The following MNDA variants were observed in gnomAD, a reference collection of about 807,000 sequenced individuals.
MNDA encodes the protein epididymis secretory sperm binding protein.
A neutral mutation model predicts 37.8 loss-of-function variants in MNDA; 43 were observed. The ratio of observed to expected loss-of-function variants is 1.14; its 90% CI spans 0.89 to 1.47. The LOEUF is 1.47. MNDA is among the 40% of genes most tolerant of loss of function. MNDA has a pLI of 0.00. For synonymous variants in MNDA, 181 were observed against 169.0 expected (o/e 1.07, Z -0.55); for missense variants, 536 against 476.0 (o/e 1.13, Z -1.17).
chr1:158,845,905 A>T lies in MNDA; in HGVS notation c.889A>T (p.Asn297Tyr). ...SDFNQNFEVPNRIIEIANKTP... is the reference protein window; with the variant it reads ...SDFNQNFEVPYRIIEIANKTP... ...CTTTAATCAAAATTTTGAGGTCCCA[A>T]ACAGAATTATCGAAATAGCAAATAA... is the stretch of plus-strand genomic sequence containing the variant. Residue 297 changes from asparagine to tyrosine, a missense_variant, in exon 5 of 7, where the codon AAC (asparagine) becomes TAC (tyrosine). Asn to Tyr is a moderately radical substitution (Grantham distance 143, BLOSUM62 -2). Coordinates refer to ENST00000368141, the MANE Select transcript of MNDA (RefSeq NM_002432.3). 6.2e-7 allele frequency: 1 copy of T among 1,614,186 alleles called. No individual in the cohort carries two copies. Among genetic ancestry groups the T allele is most frequent in the Non-Finnish European group, 8.5e-7 (1 of 1,180,012 alleles).
rs758015901 is a variant in MNDA at position 158,845,906 on chromosome 1, A to G, written c.890A>G (p.Asn297Ser). The G allele has an allele frequency of 1.1e-5, 18 of 1,614,058 alleles. No homozygotes were observed. Among genetic ancestry groups the G allele is most frequent in the Non-Finnish European group, 1.5e-5 (18 of 1,180,038 alleles). The change falls in exon 5 of 7, where the codon AAC becomes AGC. Residue 297 changes from asparagine (N) to serine (S), a missense_variant. Physicochemically the swap from Asn to Ser is conservative, Grantham distance 46. Transcript: ENST00000368141. ...SDFNQNFEVPNRIIEIANKTP... is the reference protein window; with the variant it reads ...SDFNQNFEVPSRIIEIANKTP... ...TTTAATCAAAATTTTGAGGTCCCAA[A>G]CAGAATTATCGAAATAGCAAATAAA...
rs1055021354 is a variant in MNDA at position 158,844,091 on chromosome 1, C to T, written c.539C>T (p.Ser180Leu). 2 of 1,597,636 alleles carry T rather than the reference C, an allele frequency of 1.3e-6. No homozygotes were observed. Among genetic ancestry groups the T allele is most frequent in the Admixed American group, 1.8e-5 (1 of 55,746 alleles). Residue 180 changes from serine to leucine, a missense_variant, in exon 4 of 7, where the codon TCA becomes TTA. Ser to Leu is a moderately radical substitution (Grantham distance 145). Coordinates refer to ENST00000368141, the MANE Select transcript of MNDA (RefSeq NM_002432.3). ...CATCCCCCACTACCCCAGACCTCAT[C>T]ATCAACTCCATCCAACACTTCGTTT... ...VDHPPLPQTS[S>L]STPSNTSFTP...
chr1:158,845,984 G>A lies in MNDA; in HGVS notation c.968G>A (p.Gly323Glu). 3 of 1,604,944 alleles carry A rather than the reference G, an allele frequency of 1.9e-6. No homozygotes were observed. The highest frequency in any genetic ancestry group is 2.6e-6 in the Non-Finnish European group (3 of 1,176,234). Reference sequence around the variant, plus strand: ...CAAGCATCTGGAACAATGGTGTATGGGTTGTTTATGTTACAAAAGGTAAAC... The same window carrying A: ...CAAGCATCTGGAACAATGGTGTATGAGTTGTTTATGTTACAAAAGGTAAAC... ...YKQASGTMVYGLFMLQKKSVH... is the reference protein window; with the variant it reads ...YKQASGTMVYELFMLQKKSVH... Residue 323 changes from glycine (G) to glutamate (E), a missense_variant, in exon 5 of 7, where the codon GGG (glycine) becomes GAG (glutamate). Coordinates refer to ENST00000368141, the MANE Select transcript of MNDA (RefSeq NM_002432.3).
At chr1:158,832,416 C>T (rs1658822193) in intron 1 of MNDA, among the ~76,000 whole-genome samples, 1 of 151,748 alleles carries the variant, frequency 6.6e-6, no homozygotes, top group Non-Finnish European at 1.5e-5. Context: ...CTTTCAGTAA[C>T]TGAGAGATGT....
intron 4 of MNDA, among the ~76,000 whole-genome samples, chr1:158,844,536 G>T (rs1039818187): frequency 6.7e-6 from 1 of 149,952 alleles, no homozygotes; most frequent in African/African-American, 2.5e-5. Flanking sequence ...AAACAAACTT[G>T]TCCTTTTTCC....
At chr1:158,838,209 C>T (rs1309288243) in intron 1 of MNDA, among the ~76,000 whole-genome samples, 1 of 151,872 alleles carries the variant, frequency 6.6e-6, no homozygotes, top group Non-Finnish European at 1.5e-5. Context: ...TTTGAGTTAC[C>T]ATCTAGCATC....
intron 1 of MNDA, 32 bp from the exon 2 acceptor site, chr1:158,842,102 G>A (rs372938745): frequency 1.3e-6 from 2 of 1,529,488 alleles, no homozygotes; most frequent in Non-Finnish European, 1.8e-6. Context: ...CTGCATAAAT[G>A]TGTAATGTTG....
chr1:158,831,968 T>C (rs1658813108), intron 1 of MNDA, among the ~76,000 whole-genome samples: 2 of 152,188 alleles, frequency 1.3e-5, no homozygotes, highest in African/African-American at 2.4e-5. Flanking sequence ...CTCTATTATA[T>C]GATTTTATCT....
chr1:158,832,696 T>A (rs1253815289), intron 1 of MNDA, among the ~76,000 whole-genome samples: 5 of 151,870 alleles, frequency 3.3e-5, no homozygotes, highest in Admixed American at 6.6e-5. Context: ...CTTAAGCCTA[T>A]TTTAAGCTAC....
chr1:158,842,219 T>C lies in MNDA; in HGVS notation c.66T>C (p.Phe22=). 1.9e-6 allele frequency: 3 copies of C among 1,613,984 alleles called. No individual in the cohort carries two copies. The highest frequency in any genetic ancestry group is 2.5e-6 in the Non-Finnish European group (3 of 1,179,880). The stretch of plus-strand genomic sequence containing the variant: ...TTGAGCTCATGGATGATTATCATTT[T>C]ACATCAATTAAGTCCTTACTGGCCT... ...KGFELMDDYH[F]TSIKSLLAYD... is the part of the protein sequence containing the mutation. The change falls in exon 2 of 7, where the codon TTT becomes TTC. Residue 22 remains phenylalanine (F), a synonymous_variant. Transcript: ENST00000368141.
chr1:158,835,830 T>G (rs1658900775), intron 1 of MNDA, among the ~76,000 whole-genome samples: 1 of 151,892 alleles, frequency 6.6e-6, no homozygotes, highest in Admixed American at 6.6e-5. Flanking sequence ...GTTTCTAACA[T>G]GAAAGGCTAT....
At chr1:158,837,079 G>A (rs867053597) in intron 1 of MNDA, among the ~76,000 whole-genome samples, 7 of 151,548 alleles carry the variant, frequency 4.6e-5, no homozygotes, top group African/African-American at 1.2e-4. Flanking sequence ...GATTTCAAAC[G>A]TTTAACATTT....
At chr1:158,832,059 T>C (rs781424634) in intron 1 of MNDA, among the ~76,000 whole-genome samples, 1 of 152,196 alleles carries the variant, frequency 6.6e-6, no homozygotes, top group African/African-American at 2.4e-5. Context: ...CTTTACATTT[T>C]CATGAATCAG....
intron 6 of MNDA, among the ~76,000 whole-genome samples, chr1:158,848,422 G>A (rs1659184113): frequency 6.6e-6 from 1 of 151,996 alleles, no homozygotes; most frequent in South Asian, 2.1e-4. Flanking sequence ...GGACTTTTAG[G>A]CAAAGGAAAT....
At position 158,836,141 on chromosome 1, in the gene MNDA, T is replaced by TAAA. The variant is rs112966169; in HGVS notation, c.-21+4592_-21+4594dup. ...TATAATTATGTTCGCTAGCATTTTG[T>TAAA]AAAAAAAAAATGCATCGACATGCAT... is the stretch of plus-strand genomic sequence containing the variant. On this transcript the variant is annotated intron_variant, in intron 1 of 6. Transcript: ENST00000368141. Among the ~76,000 whole-genome samples, 6 of 150,236 alleles carry TAAA rather than the reference T, an allele frequency of 4.0e-5. No individual in the cohort carries two copies. In the East Asian group the frequency reaches 5.8e-4, roughly 15 times the overall value.
intron 3 of MNDA, 28 bp from the exon 4 acceptor site, chr1:158,843,927 A>G: frequency 6.4e-7 from 1 of 1,554,598 alleles, no homozygotes; most frequent in Non-Finnish European, 8.7e-7. Flanking sequence ...ACTAAACTCC[A>G]TTAACAGGAA....
chr1:158,844,070 C>T lies in MNDA; in HGVS notation c.518C>T (p.Pro173Leu), dbSNP rs749443667. The T allele has an allele frequency of 6.2e-7, 1 of 1,613,028 alleles. No homozygotes were observed. Among genetic ancestry groups the T allele is most frequent in the Non-Finnish European group, 8.5e-7 (1 of 1,179,586 alleles). ...GASTSAAVDH[P>L]PLPQTSSSTP... ...AGCACATCTGCAGCTGTGGATCATC[C>T]CCCACTACCCCAGACCTCATCATCA... The change falls in exon 4 of 7, where the codon CCC (proline) becomes CTC (leucine). Residue 173 changes from proline (P) to leucine (L), a missense_variant. Physicochemically the swap from Pro to Leu is moderately conservative, Grantham distance 98. Coordinates refer to ENST00000368141, the MANE Select transcript of MNDA (RefSeq NM_002432.3).
At chr1:158,833,673 T>C (rs1255310896) in intron 1 of MNDA, among the ~76,000 whole-genome samples, 1 of 152,224 alleles carries the variant, frequency 6.6e-6, no homozygotes, top group East Asian at 1.9e-4. Flanking sequence ...TCTTTCTTCC[T>C]AGGGTAGAAT....
rs530903940 is a variant in MNDA at position 158,842,667 on chromosome 1, C to T, written c.265+249C>T. 8.0e-4 allele frequency: 250 copies of T among 311,204 alleles called. 3 individuals carry two copies. The South Asian group carries it at 0.018, about 23-fold the overall frequency. 19.3% of individuals were successfully genotyped at this position (311,204 alleles called of 1,614,324 possible). A position where few individuals can be genotyped will look rare whatever the true frequency, so the allele number is the denominator to read the frequency against. Reference sequence around the variant, plus strand: ...AAACCAAAGACAGGGATTTATGAGACGGTGAGTGTTTCAGTAAATCAAAAA... The same window carrying T: ...AAACCAAAGACAGGGATTTATGAGATGGTGAGTGTTTCAGTAAATCAAAAA... On this transcript the variant is annotated intron_variant, in intron 2 of 6. Coordinates refer to ENST00000368141, the MANE Select transcript of MNDA (RefSeq NM_002432.3).
Sources: allele counts gnomAD v4.1 joint callset (sites outside exome capture counted in the v4.1 genomes callset), GRCh38; gene constraint gnomAD v4.1.1; transcripts MANE v1.5; gene names NCBI Gene and HGNC (gene_info 2026-07-23, HGNC 2026-07-21).